PSD3: variants seen among roughly 807,000 people sequenced by gnomAD.
PSD3 encodes pleckstrin and Sec7 domain containing 3.
Under a neutral mutation model 105.5 loss-of-function variants are expected in PSD3, and 49 were observed. The ratio of observed to expected loss-of-function variants is 0.46; its 90% CI spans 0.37 to 0.59. PSD3 has a LOEUF of 0.59. Ranked by LOEUF, PSD3 falls within the 20% of genes least tolerant of loss-of-function variation. The probability of loss-of-function intolerance (pLI) is 0.00; values close to 1 mark genes in which losing one functional copy is unlikely to be tolerated. For missense variants in PSD3, 1,561 were observed against 1,263.8 expected (o/e 1.24, Z -3.57); for synonymous variants, 557 against 457.8 (o/e 1.22, Z -2.77).
intron 2 of PSD3, among the ~76,000 whole-genome samples, chr8:18,909,306 C>A (rs1820050976): frequency 6.6e-6 from 1 of 152,120 alleles, no homozygotes; most frequent in African/African-American, 2.4e-5. Context: ...CCCATTAACA[C>A]CACTGTCTTA....
At chr8:18,910,940 T>TA (rs541983680) in intron 2 of PSD3, among the ~76,000 whole-genome samples, 1,508 of 136,210 alleles carry the variant, frequency 0.011, 8 homozygotes, top group Non-Finnish European at 0.017. Flanking sequence ...TTCAAAAAAA[T>TA]AAAAAAAAAA....
intron 1 of PSD3, among the ~76,000 whole-genome samples, chr8:19,040,633 A>T (rs1164673021): frequency 6.6e-6 from 1 of 152,236 alleles, no homozygotes. Flanking sequence ...TTGGGGCAGG[A>T]CAACAGTGAC....
chr8:18,966,375 G>C (rs1563470828), intron 1 of PSD3, among the ~76,000 whole-genome samples: 1 of 152,030 alleles, frequency 6.6e-6, no homozygotes, highest in East Asian at 1.9e-4. Flanking sequence ...TTCAAGAACA[G>C]CCTGGCCAAC....
intron 4 of PSD3, chr8:18,809,011 C>A (rs550043630): frequency 3.6e-6 from 4 of 1,111,814 alleles, no homozygotes; most frequent in Non-Finnish European, 4.8e-6. Context: ...ACACAAGGGC[C>A]ACTGTCTATC....
At chr8:18,841,479 C>T (rs1470543191) in intron 4 of PSD3, among the ~76,000 whole-genome samples, 1 of 151,764 alleles carries the variant, frequency 6.6e-6, no homozygotes, top group Non-Finnish European at 1.5e-5. Context: ...CACACACACA[C>T]ACACACACAC....
intron 1 of PSD3, among the ~76,000 whole-genome samples, chr8:18,984,282 T>A (rs10094105): frequency 6.6e-6 from 1 of 151,812 alleles, no homozygotes; most frequent in Non-Finnish European, 1.5e-5. Context: ...ACTCTCTAGT[T>A]GTTAAACCAC....
intron 11 of PSD3, among the ~76,000 whole-genome samples, chr8:18,623,298 T>C (rs1015394798): frequency 3.3e-5 from 5 of 151,804 alleles, no homozygotes; most frequent in African/African-American, 9.7e-5. Flanking sequence ...TGCAATCAGA[T>C]GTTCTATTGA....
intron 2 of PSD3, among the ~76,000 whole-genome samples, chr8:18,879,848 CT>C (rs1818003139): frequency 6.7e-6 from 1 of 148,660 alleles, no homozygotes; most frequent in Non-Finnish European, 1.5e-5. Flanking sequence ...TCCTCCCACC[CT>C]TGGCCTCCCA....
At chr8:18,778,889 T>G (rs1808344454) in intron 8 of PSD3, among the ~76,000 whole-genome samples, 1 of 152,108 alleles carries the variant, frequency 6.6e-6, no homozygotes. Context: ...TGCATCTAAG[T>G]TCGTCAGGAA....
intron 4 of PSD3, among the ~76,000 whole-genome samples, chr8:18,819,255 AT>A (rs1171493280): frequency 6.6e-6 from 1 of 152,190 alleles, no homozygotes; most frequent in Non-Finnish European, 1.5e-5. Context: ...TTTGACAAGT[AT>A]TTTTCAAGGA....
chr8:18,915,706 A>C (rs1166110714), intron 2 of PSD3, among the ~76,000 whole-genome samples: 1 of 152,208 alleles, frequency 6.6e-6, no homozygotes, highest in African/African-American at 2.4e-5. Flanking sequence ...TAGAATGGCT[A>C]ATATCAAAAA....
At position 18,872,357 on chromosome 8, in the gene PSD3, C is replaced by T. The variant is rs1357971188; in HGVS notation, c.507G>A (p.Val169=). 3 of 1,614,018 alleles carry T rather than the reference C, an allele frequency of 1.9e-6. No homozygotes were observed. Among genetic ancestry groups the T allele is most frequent in the Admixed American group, 3.3e-5 (2 of 59,984 alleles). The part of the protein sequence containing the change: ...DAVSSFSVQQ[V]EKELDTASRK... Reference sequence around the variant, plus strand: ...GACTGGCAGTGTCCAGCTCTTTTTCCACCTGCTGAACTGAAAAACTAGAAA... The same window carrying T: ...GACTGGCAGTGTCCAGCTCTTTTTCTACCTGCTGAACTGAAAAACTAGAAA... The change falls in exon 3 of 16, where the codon GTG becomes GTA. Residue 169 remains valine (V), a synonymous_variant. Transcript: ENST00000327040.
chr8:18,671,933 ATTTTGT>A (rs1380807948), intron 9 of PSD3, among the ~76,000 whole-genome samples: 2 of 152,042 alleles, frequency 1.3e-5, no homozygotes, highest in East Asian at 3.9e-4. Flanking sequence ...GCCGGGCCTG[ATTTTGT>A]TTTTAACTTT....
At chr8:18,749,336 G>C (rs1221584601) in intron 9 of PSD3, among the ~76,000 whole-genome samples, 1 of 152,178 alleles carries the variant, frequency 6.6e-6, no homozygotes, top group Non-Finnish European at 1.5e-5. Flanking sequence ...CGTTTCAATA[G>C]ACGACAAGGT....
intron 15 of PSD3, among the ~76,000 whole-genome samples, chr8:18,536,361 C>A (rs1390736708): frequency 6.6e-6 from 1 of 152,112 alleles, no homozygotes; most frequent in African/African-American, 2.4e-5. Context: ...CCCAGGTAGT[C>A]CAGGCCTCAC....
chr8:18,773,653 G>T (rs1005994379), intron 8 of PSD3, among the ~76,000 whole-genome samples: 11 of 152,090 alleles, frequency 7.2e-5, no homozygotes, highest in African/African-American at 2.7e-4. Context: ...CTGCAGCATG[G>T]TTTGATAAGT....
chr8:18,710,014 A>C (rs1457286428), intron 9 of PSD3, among the ~76,000 whole-genome samples: 1 of 152,204 alleles, frequency 6.6e-6, no homozygotes, highest in Non-Finnish European at 1.5e-5. Context: ...TGATAGAAGT[A>C]AGCTTCACAA....
chr8:18,599,416 T>C lies in PSD3; in HGVS notation c.2481+948A>G, dbSNP rs538525988. 3.3e-5 allele frequency among the ~76,000 whole-genome samples: 5 copies of C among 152,224 alleles called. No individual in the cohort carries two copies. The East Asian group carries it at 9.6e-4, about 29-fold the overall frequency. The stretch of plus-strand genomic sequence containing the variant: ...GGGTATTTATCCACAAGAAATGAAA[T>C]TAGGATCTTGAAGAGATATTTGCAC... On this transcript the variant is annotated intron_variant, in intron 12 of 15. Transcript: ENST00000327040.
intron 15 of PSD3, among the ~76,000 whole-genome samples, chr8:18,553,910 G>C (rs1048885324): frequency 9.9e-5 from 15 of 152,118 alleles, no homozygotes; most frequent in Admixed American, 4.6e-4. Flanking sequence ...TGACATATTA[G>C]CATATGGGTC....
Sources: allele counts gnomAD v4.1 joint callset (sites outside exome capture counted in the v4.1 genomes callset), GRCh38; gene constraint gnomAD v4.1.1; transcripts MANE v1.5; gene names NCBI Gene and HGNC (gene_info 2026-07-23, HGNC 2026-07-21).